The following TOX variants were observed in gnomAD, a reference collection of about 807,000 sequenced individuals.
TOX encodes the protein thymocyte selection associated high mobility group box.
Under a neutral mutation model 53.7 loss-of-function variants are expected in TOX, and 11 were observed. The observed-to-expected ratio is 0.20, with a 90% CI of 0.13 to 0.34. The LOEUF (loss-of-function observed/expected upper bound fraction) is 0.34, where lower values mean the gene tolerates loss of function less well. Ranked by LOEUF, TOX falls within the 10% of genes least tolerant of loss-of-function variation. TOX has a pLI of 1.00. For missense variants in TOX, 570 were observed against 664.6 expected, an observed-to-expected ratio of 0.86 and a Z score of 1.56; for synonymous variants, 225 against 245.3, an observed-to-expected ratio of 0.92 and a Z score of 0.77.
intron 1 of TOX, among the ~76,000 whole-genome samples, chr8:58,962,491 T>C (rs1812817194): frequency 6.6e-6 from 1 of 152,154 alleles, no homozygotes; most frequent in Non-Finnish European, 1.5e-5. Context: ...TTGTGAGAGG[T>C]AGGGCTGGGA....
At chr8:58,889,229 A>AC (rs1164774280) in intron 3 of TOX, among the ~76,000 whole-genome samples, 3 of 142,068 alleles carry the variant, frequency 2.1e-5, no homozygotes, top group African/African-American at 5.3e-5. Flanking sequence ...AAAAAAAAAA[A>AC]AAACAAAAAA....
At position 58,922,030 on chromosome 8, in the gene TOX, T is replaced by C. The variant is rs77854867; in HGVS notation, c.411+17272A>G. The stretch of plus-strand genomic sequence containing the variant: ...CTTGGTCCCTAATTTTCCCTCTTTG[T>C]TGGATCATAGAATGCCGTGGCCTGA... On this transcript the variant is annotated intron_variant, in intron 3 of 8. Transcript: ENST00000361421. Among the ~76,000 whole-genome samples, 888 of 152,308 alleles carry C rather than the reference T, an allele frequency of 5.8e-3. 9 individuals carry two copies. The highest frequency in any genetic ancestry group is 0.02 in the African/African-American group (831 of 41,572).
At chr8:58,900,698 A>T (rs1811723134) in intron 3 of TOX, among the ~76,000 whole-genome samples, 2 of 152,146 alleles carry the variant, frequency 1.3e-5, no homozygotes, top group South Asian at 4.1e-4. Context: ...AGGCAAGACT[A>T]TATAGGCCAT....
chr8:59,060,353 C>T (rs191418033), intron 1 of TOX, among the ~76,000 whole-genome samples: 117 of 152,288 alleles, frequency 7.7e-4, no homozygotes, highest in Non-Finnish European at 1.2e-3. Context: ...TATGGCTGGG[C>T]GCAGTGGCTC....
chr8:58,915,344 G>T (rs1255550011), intron 3 of TOX, among the ~76,000 whole-genome samples: 2 of 88,910 alleles, frequency 2.2e-5, no homozygotes, highest in Admixed American at 2.5e-4. Context: ...CCAGCACGCA[G>T]CTGGAGATCT....
At chr8:59,035,759 A>T (rs542244961) in intron 1 of TOX, among the ~76,000 whole-genome samples, 134 of 152,390 alleles carry the variant, frequency 8.8e-4, no homozygotes, top group African/African-American at 3.1e-3. Flanking sequence ...ATCAGTGATC[A>T]TAGAGAAATA....
chr8:59,092,593 T>A (rs1804645061), intron 1 of TOX, among the ~76,000 whole-genome samples: 1 of 151,820 alleles, frequency 6.6e-6, no homozygotes, highest in Admixed American at 6.6e-5. Flanking sequence ...CTCTTTAACG[T>A]AACTCAAGAG....
chr8:58,885,799 G>A (rs1275620976), intron 3 of TOX, among the ~76,000 whole-genome samples: 1 of 152,092 alleles, frequency 6.6e-6, no homozygotes, highest in East Asian at 1.9e-4. Context: ...TGTTTGTGCT[G>A]CAGTGAAGAC....
intron 2 of TOX, among the ~76,000 whole-genome samples, chr8:58,959,513 C>G (rs1444434605): frequency 1.3e-5 from 2 of 152,190 alleles, no homozygotes; most frequent in Non-Finnish European, 2.9e-5. Context: ...TCTAGCCCCA[C>G]CGGCCATGGG....
At chr8:58,964,406 A>G (rs1055738740) in intron 1 of TOX, among the ~76,000 whole-genome samples, 1 of 152,120 alleles carries the variant, frequency 6.6e-6, no homozygotes, top group Non-Finnish European at 1.5e-5. Flanking sequence ...CCCAGCATTC[A>G]CAGGACCTTT....
intron 3 of TOX, among the ~76,000 whole-genome samples, chr8:58,933,996 G>A (rs1375201146): frequency 1.6e-4 from 25 of 152,066 alleles, no homozygotes; most frequent in Admixed American, 1.6e-3. Flanking sequence ...TTTCTAACCA[G>A]ACTCTATCTC....
At chr8:58,937,452 T>C (rs1812363471) in intron 3 of TOX, among the ~76,000 whole-genome samples, 1 of 152,178 alleles carries the variant, frequency 6.6e-6, no homozygotes, top group Non-Finnish European at 1.5e-5. Flanking sequence ...GAAAATGGCC[T>C]ATCTTGTGGC....
At chr8:58,846,843 C>T (rs190456433) in intron 4 of TOX, among the ~76,000 whole-genome samples, 12 of 152,186 alleles carry the variant, frequency 7.9e-5, no homozygotes, top group Middle Eastern at 3.4e-3. Flanking sequence ...TAAATCAAGA[C>T]GTAAAAGATT....
chr8:59,023,054 A>C (rs1178554010), intron 1 of TOX, among the ~76,000 whole-genome samples: 1 of 152,154 alleles, frequency 6.6e-6, no homozygotes, highest in Admixed American at 6.5e-5. Flanking sequence ...TGAAAATCTC[A>C]GTGGTGTATG....
At chr8:58,932,927 G>A (rs1812281507) in intron 3 of TOX, among the ~76,000 whole-genome samples, 1 of 151,986 alleles carries the variant, frequency 6.6e-6, no homozygotes, top group Non-Finnish European at 1.5e-5. Flanking sequence ...TTTGTTCGCT[G>A]GAAAAAGAAG....
At chr8:59,093,341 G>A (rs900074232) in intron 1 of TOX, among the ~76,000 whole-genome samples, 1 of 152,142 alleles carries the variant, frequency 6.6e-6, no homozygotes, top group Non-Finnish European at 1.5e-5. Context: ...AAGTCCTCAA[G>A]CAAACTGTGT....
At chr8:58,884,274 T>C (rs1270000725) in intron 3 of TOX, among the ~76,000 whole-genome samples, 2 of 152,174 alleles carry the variant, frequency 1.3e-5, no homozygotes, top group East Asian at 3.8e-4. Context: ...GCACAGCATA[T>C]ACTTTTATTT....
In TOX at chr8:58,805,724, GACAA is replaced by G. The variant is rs1167754550; in HGVS notation, c.*2019_*2022del. Reference sequence around the variant, plus strand: ...TGGTATATTTCTAAAATACTAAACAGACAAACAATAAACTGTGAACTTAATCACA... The same window carrying G: ...TGGTATATTTCTAAAATACTAAACAGACAATAAACTGTGAACTTAATCACA... On this transcript the variant is annotated 3_prime_UTR_variant, in exon 9 of 9. Transcript: ENST00000361421. 6.6e-6 allele frequency: 1 copy of G among 152,590 alleles called. No individual in the cohort carries two copies. The allele number at this position is 152,590 out of a possible 1,614,324, so 9.5% of individuals were successfully genotyped here.
intron 1 of TOX, among the ~76,000 whole-genome samples, chr8:59,075,405 T>C (rs774820116): frequency 1.3e-5 from 2 of 152,152 alleles, no homozygotes; most frequent in Non-Finnish European, 2.9e-5. Flanking sequence ...GAAAGGAATG[T>C]CCTTATCTGA....
Sources: gnomAD v4.1 joint callset for allele counts (sites outside exome capture counted in the v4.1 genomes callset) on GRCh38, gnomAD v4.1.1 for gene constraint, MANE v1.5 for transcripts, NCBI Gene and HGNC (gene_info 2026-07-23, HGNC 2026-07-21) for gene names.